Variants in KCNH7 observed in about 807,000 individuals in gnomAD.
KCNH7 encodes the protein potassium voltage-gated channel subfamily H member 7.
KCNH7 carries 49 observed loss-of-function variants against 120.8 expected under a neutral mutation model. The observed-to-expected ratio is 0.41, with a 90% CI of 0.32 to 0.51. The LOEUF (loss-of-function observed/expected upper bound fraction) is 0.51, where lower values mean the gene tolerates loss of function less well. Ranked by LOEUF, KCNH7 falls within the 20% of genes least tolerant of loss-of-function variation. KCNH7 has a pLI of 0.38. For synonymous variants in KCNH7, 547 were observed against 516.1 expected, an observed-to-expected ratio of 1.06 and a Z score of -0.81; for missense variants, 1,097 against 1,446.6, an observed-to-expected ratio of 0.76 and a Z score of 3.92.
intron 2 of KCNH7, among the ~76,000 whole-genome samples, chr2:162,683,430 C>T (rs1468454714): frequency 6.6e-6 from 1 of 151,788 alleles, no homozygotes; most frequent in East Asian, 1.9e-4. Flanking sequence ...TCGGATTAAT[C>T]ACCTATAATT....
In KCNH7 at chr2:162,372,108, G is replaced by C. The variant is rs1558911697; in HGVS notation, c.3325-13C>G. 2 of 1,592,624 alleles carry C rather than the reference G, an allele frequency of 1.3e-6. No homozygotes were observed. The highest frequency in any genetic ancestry group is 1.7e-6 in the Non-Finnish European group (2 of 1,165,404). ...GAAATTCAGGACACTGATGGAAAAA[G>C]AACAAAACAAGTTTTTATAATTCAC... On this transcript the variant is annotated splice_polypyrimidine_tract_variant and intron_variant, in intron 15 of 15. Transcript: ENST00000332142.
chr2:162,404,312 C>T (rs1248482676), intron 9 of KCNH7, among the ~76,000 whole-genome samples: 3 of 151,912 alleles, frequency 2.0e-5, no homozygotes, highest in Non-Finnish European at 2.9e-5. Flanking sequence ...GACCAAGAAA[C>T]ACCACCCAGA....
chr2:162,832,038 T>A (rs1210147368), intron 2 of KCNH7, among the ~76,000 whole-genome samples: 1 of 152,158 alleles, frequency 6.6e-6, no homozygotes, highest in Non-Finnish European at 1.5e-5. Flanking sequence ...GAATTCTGGA[T>A]AACATTCAAA....
At chr2:162,484,127 T>A (rs1212704445) in intron 6 of KCNH7, among the ~76,000 whole-genome samples, 1 of 152,066 alleles carries the variant, frequency 6.6e-6, no homozygotes, top group Non-Finnish European at 1.5e-5. Context: ...AGTGAAAATA[T>A]CTAAGCAGTT....
intron 2 of KCNH7, among the ~76,000 whole-genome samples, chr2:162,605,152 A>T (rs1026955596): frequency 6.6e-6 from 1 of 152,132 alleles, no homozygotes; most frequent in African/African-American, 2.4e-5. Flanking sequence ...AGAACTGTGA[A>T]GAGGAAATGT....
At chr2:162,785,971 G>A (rs572104500) in intron 2 of KCNH7, among the ~76,000 whole-genome samples, 12 of 152,138 alleles carry the variant, frequency 7.9e-5, no homozygotes, top group South Asian at 2.1e-4. Context: ...GGCTGGGCGC[G>A]GTGGCTCATG....
chr2:162,609,565 T>C (rs553347261), intron 2 of KCNH7, among the ~76,000 whole-genome samples: 2 of 152,310 alleles, frequency 1.3e-5, no homozygotes, highest in South Asian at 2.1e-4. Context: ...ATATTGCTTT[T>C]AGATTTCACT....
At chr2:162,559,036 CAG>C (rs1692961974) in intron 2 of KCNH7, among the ~76,000 whole-genome samples, 1 of 101,618 alleles carries the variant, frequency 9.8e-6, no homozygotes, top group Non-Finnish European at 1.8e-5. Context: ...GCCTGGGCAA[CAG>C]AGCAAGACTC....
intron 12 of KCNH7, among the ~76,000 whole-genome samples, chr2:162,392,099 G>A (rs1421670737): frequency 2.0e-5 from 3 of 151,990 alleles, no homozygotes; most frequent in African/African-American, 4.8e-5. Context: ...AAATACACCA[G>A]TAGCCATCAT....
rs139371401 is a variant in KCNH7, at chr2:162,778,543, T to A, written c.307+57994A>T. Among the ~76,000 whole-genome samples, 199 of 152,326 alleles carry A rather than the reference T, an allele frequency of 1.3e-3. 1 individual carries two copies. The highest frequency in any genetic ancestry group is 4.4e-3 in the African/African-American group (184 of 41,584). ...GCAGAACTATGTATATTTTTCCTGA[T>A]CTTATTATCAGTGCCTGCACAGAAC... On this transcript the variant is annotated intron_variant, in intron 2 of 15. Coordinates refer to ENST00000332142, the MANE Select transcript of KCNH7 (RefSeq NM_033272.4).
At chr2:162,821,984 T>C (rs182393518) in intron 2 of KCNH7, among the ~76,000 whole-genome samples, 1 of 151,748 alleles carries the variant, frequency 6.6e-6, no homozygotes, top group African/African-American at 2.4e-5. Flanking sequence ...GGAGTCCAAG[T>C]TGTCCAAACT....
chr2:162,532,875 G>A (rs1180011297), intron 3 of KCNH7, among the ~76,000 whole-genome samples: 1 of 151,900 alleles, frequency 6.6e-6, no homozygotes, highest in Non-Finnish European at 1.5e-5. Context: ...TGAGAGTCAA[G>A]TGATGTTATT....
At position 162,508,009 on chromosome 2, in the gene KCNH7, A is replaced by G. The variant is rs971681055; in HGVS notation, c.914-3352T>C. 2.4e-4 allele frequency among the ~76,000 whole-genome samples: 37 copies of G among 151,710 alleles called. 1 individual carries two copies. Among genetic ancestry groups the G allele is most frequent in the Middle Eastern group, 6.8e-3 (2 of 294 alleles). On this transcript the variant is annotated intron_variant, in intron 5 of 15. Coordinates refer to ENST00000332142, the MANE Select transcript of KCNH7 (RefSeq NM_033272.4). ...GTGTTATGTTTTCTAGTGAAGTTAT[A>G]TTTGAACACTAACATATTGAAATAA... is the stretch of plus-strand genomic sequence containing the variant.
At chr2:162,827,163 A>G (rs1401454565) in intron 2 of KCNH7, among the ~76,000 whole-genome samples, 5 of 151,996 alleles carry the variant, frequency 3.3e-5, no homozygotes, top group Admixed American at 3.3e-4. Flanking sequence ...AATAAACCAG[A>G]CGCTCTCCAC....
At chr2:162,770,213 T>A (rs1275951026) in intron 2 of KCNH7, among the ~76,000 whole-genome samples, 1 of 151,846 alleles carries the variant, frequency 6.6e-6, no homozygotes, top group Non-Finnish European at 1.5e-5. Context: ...GAACTTATTT[T>A]GATGATTCAA....
At chr2:162,399,789 T>C (rs373227526) in intron 10 of KCNH7, among the ~76,000 whole-genome samples, 23 of 152,020 alleles carry the variant, frequency 1.5e-4, no homozygotes, top group East Asian at 1.4e-3. Flanking sequence ...ACCCAGTTCA[T>C]GACAGGGCTT....
chr2:162,381,263 G>C (rs73971849), intron 13 of KCNH7, among the ~76,000 whole-genome samples: 88 of 152,176 alleles, frequency 5.8e-4, no homozygotes, highest in African/African-American at 2.1e-3. Flanking sequence ...ACACTGAGAA[G>C]AGTTATTATG....
At chr2:162,423,003 A>G (rs575463772) in intron 9 of KCNH7, among the ~76,000 whole-genome samples, 11 of 152,094 alleles carry the variant, frequency 7.2e-5, no homozygotes, top group Non-Finnish European at 1.6e-4. Context: ...GGATTCAACT[A>G]TTTTTTGGGG....
At chr2:162,702,598 A>G (rs375852234) in intron 2 of KCNH7, among the ~76,000 whole-genome samples, 1 of 152,190 alleles carries the variant, frequency 6.6e-6, no homozygotes, top group East Asian at 1.9e-4. Context: ...GATAGGAAAG[A>G]ATTTAAGACA....
Sources: allele counts gnomAD v4.1 joint callset (sites outside exome capture counted in the v4.1 genomes callset), GRCh38; gene constraint gnomAD v4.1.1; transcripts MANE v1.5; gene names NCBI Gene and HGNC (gene_info 2026-07-23, HGNC 2026-07-21).